TLN2: variants seen among roughly 807,000 people sequenced by gnomAD.
TLN2 encodes the protein talin 2.
In TLN2, 118 loss-of-function variants were observed where a neutral mutation model predicts 294.7. The observed-to-expected ratio is 0.40, with a 90% CI of 0.34 to 0.47. The LOEUF (loss-of-function observed/expected upper bound fraction) is 0.47. TLN2 is among the 20% of genes least tolerant of loss of function. The pLI is 0.84. For missense variants in TLN2, 3,083 were observed against 3,282.2 expected (o/e 0.94, Z 1.48); for synonymous variants, 1,431 against 1,304.5 (o/e 1.10, Z -2.09).
intron 10 of TLN2, 22 bp from the exon 11 acceptor site, chr15:62,675,195 C>T (rs2056028805): frequency 6.2e-7 from 1 of 1,612,690 alleles, no homozygotes; most frequent in Admixed American, 1.7e-5. Flanking sequence ...ATAACTGGTC[C>T]CGACCACTGT....
intron 1 of TLN2, among the ~76,000 whole-genome samples, chr15:62,412,096 TA>T (rs1161837342): frequency 6.7e-6 from 1 of 149,410 alleles, no homozygotes; most frequent in Non-Finnish European, 1.5e-5. Context: ...CCCTGCGATT[TA>T]AAATCGGTCT....
chr15:62,537,649 T>C (rs922611742), intron 1 of TLN2, among the ~76,000 whole-genome samples: 11 of 152,168 alleles, frequency 7.2e-5, no homozygotes, highest in African/African-American at 2.2e-4. Flanking sequence ...CCCACAGTCT[T>C]GATTGCTCAG....
At chr15:62,738,612 A>G (rs1567497655) in intron 30 of TLN2, among the ~76,000 whole-genome samples, 1 of 152,134 alleles carries the variant, frequency 6.6e-6, no homozygotes, top group Non-Finnish European at 1.5e-5. Flanking sequence ...CTGTCTTCTC[A>G]TCAGGACATC....
rs1483250033 is a variant in TLN2 at position 62,783,797 on chromosome 15, G to A, written c.5643G>A (p.Glu1881=). 2 of 1,608,488 alleles carry A rather than the reference G, an allele frequency of 1.2e-6. No homozygotes were observed. Among genetic ancestry groups the A allele is most frequent in the Middle Eastern group, 1.7e-4 (1 of 6,032 alleles). The part of the protein sequence containing the change: ...EMMTKSVTNP[E]ELGGLASQMT... ...TGACTAAGTCGGTTACTAACCCGGA[G>A]GAGTTGGGAGGACTGGCTTCACAAA... Residue 1881 remains glutamate, a synonymous_variant, in exon 45 of 59, where the codon GAG becomes GAA. Coordinates refer to ENST00000636159, the MANE Select transcript of TLN2 (RefSeq NM_015059.3).
intron 1 of TLN2, among the ~76,000 whole-genome samples, chr15:62,571,307 G>C (rs2043844395): frequency 6.6e-6 from 1 of 152,080 alleles, no homozygotes; most frequent in African/African-American, 2.4e-5. Flanking sequence ...ATGTCATCTG[G>C]GGGGACGGTG....
intron 54 of TLN2, among the ~76,000 whole-genome samples, 177 bp downstream of exon 54, chr15:62,820,787 G>T (rs2067497861): frequency 6.6e-6 from 1 of 152,108 alleles, no homozygotes; most frequent in African/African-American, 2.4e-5. Flanking sequence ...TAAAAAAATG[G>T]CTGATGAGTC....
chr15:62,684,471 C>T (rs549064540), intron 11 of TLN2, among the ~76,000 whole-genome samples: 142 of 152,312 alleles, frequency 9.3e-4, no homozygotes, highest in African/African-American at 3.2e-3. Flanking sequence ...TGAAAAAAAT[C>T]TGACGCTTGT....
chr15:62,691,070 G>C (rs1193678342), intron 12 of TLN2, among the ~76,000 whole-genome samples: 4 of 146,752 alleles, frequency 2.7e-5, no homozygotes, highest in Non-Finnish European at 6.0e-5. Flanking sequence ...GGAGGGGGAG[G>C]GGTATGGGCT....
intron 45 of TLN2, 25 bp downstream of exon 45, chr15:62,783,915 T>G: frequency 6.2e-7 from 1 of 1,612,936 alleles, no homozygotes; most frequent in Non-Finnish European, 8.5e-7. Flanking sequence ...GACCCCTATT[T>G]TAAGATGCAC....
chr15:62,653,507 C>T (rs2052838903), intron 7 of TLN2, among the ~76,000 whole-genome samples, 193 bp downstream of exon 7: 1 of 152,122 alleles, frequency 6.6e-6, no homozygotes, highest in Non-Finnish European at 1.5e-5. Flanking sequence ...AGGTGTATTA[C>T]CTGAGGTCAG....
rs116275837 is a variant in TLN2, at chr15:62,833,682, G to A, written c.7128+53G>A. 1.5e-3 allele frequency: 2,328 copies of A among 1,582,900 alleles called. 19 individuals carry two copies. The African/African-American group carries it at 0.02, about 14-fold the overall frequency. On this transcript the variant is annotated intron_variant, in intron 55 of 58. Coordinates refer to ENST00000636159, the MANE Select transcript of TLN2 (RefSeq NM_015059.3). ...GACACTCAACGTACGAGAGCCTCAGGGGGCCCAGGAAAAGAGCTACAAGCT... is the reference window on the plus strand; with the variant it reads ...GACACTCAACGTACGAGAGCCTCAGAGGGCCCAGGAAAAGAGCTACAAGCT...
intron 54 of TLN2, among the ~76,000 whole-genome samples, chr15:62,822,275 C>T (rs1346106551): frequency 1.3e-5 from 2 of 152,224 alleles, no homozygotes; most frequent in Non-Finnish European, 2.9e-5. Context: ...GCCTGACATA[C>T]AGTGAGACTT....
At chr15:62,650,588 C>T (rs1233490698) in intron 5 of TLN2, among the ~76,000 whole-genome samples, 1 of 152,104 alleles carries the variant, frequency 6.6e-6, no homozygotes, top group Non-Finnish European at 1.5e-5. Flanking sequence ...GAAAAAGAAA[C>T]TTCAATTTGA....
In TLN2 at chr15:62,692,930, A is replaced by G. The variant is rs773219965; in HGVS notation, c.1204A>G (p.Ile402Val). 5.5e-5 allele frequency: 88 copies of G among 1,612,046 alleles called. No individual in the cohort carries two copies. Among genetic ancestry groups the G allele is most frequent in the Non-Finnish European group, 6.9e-5 (81 of 1,179,312 alleles). The part of the protein sequence containing the change: ...SQLIAGYIDI[I>V]LKKKQSKDRF... ...GCTGATTGCAGGCTACATTGACATCATCCTGAAAAAGGTATTTTGTATTGA... is the reference window on the plus strand; with the variant it reads ...GCTGATTGCAGGCTACATTGACATCGTCCTGAAAAAGGTATTTTGTATTGA... Residue 402 changes from isoleucine to valine, a missense_variant, in exon 13 of 59, where the codon ATC becomes GTC. By Grantham distance (29) the Ile-to-Val change is conservative. Coordinates refer to ENST00000636159, the MANE Select transcript of TLN2 (RefSeq NM_015059.3).
intron 44 of TLN2, among the ~76,000 whole-genome samples, chr15:62,782,177 T>C (rs543990183): frequency 6.6e-6 from 1 of 152,326 alleles, no homozygotes; most frequent in South Asian, 2.1e-4. Context: ...TGTCATGTAA[T>C]CATGTGTCCA....
At chr15:62,719,994 G>T (rs2060026947) in intron 25 of TLN2, 114 bp downstream of exon 25, 11 of 785,962 alleles carry the variant, frequency 1.4e-5, no homozygotes, top group Non-Finnish European at 5.6e-6. Context: ...TTTGCGGTAG[G>T]CAGGGCTTGA....
intron 1 of TLN2, among the ~76,000 whole-genome samples, chr15:62,459,661 A>G (rs1322558727): frequency 6.6e-6 from 1 of 152,178 alleles, no homozygotes; most frequent in African/African-American, 2.4e-5. Flanking sequence ...GTGCAAAAGA[A>G]TATGCAAGCC....
In TLN2 at chr15:62,755,557, C is replaced by A; in HGVS notation, c.4502C>A (p.Ala1501Asp). 1 of 1,614,190 alleles carries A rather than the reference C, an allele frequency of 6.2e-7. No individual in the cohort carries two copies. The highest frequency in any genetic ancestry group is 8.5e-7 in the Non-Finnish European group (1 of 1,180,016). Residue 1501 changes from alanine to aspartate, a missense_variant, in exon 37 of 59, where the codon GCC becomes GAC. Physicochemically the swap from Ala to Asp is moderately radical, Grantham distance 126. Transcript: ENST00000636159. ...GTCCTGTCAGCCGCCACAATTGTTGCCAAGCACACGTCAGCCTTGTGCAAT... is the reference window on the plus strand; with the variant it reads ...GTCCTGTCAGCCGCCACAATTGTTGACAAGCACACGTCAGCCTTGTGCAAT... ...SQVLSAATIV[A>D]KHTSALCNAC...
chr15:62,829,893 T>G (rs2068616091), intron 54 of TLN2: 1 of 152,200 alleles, frequency 6.6e-6, no homozygotes, highest in African/African-American at 2.4e-5. Flanking sequence ...CATACAATGT[T>G]TGTCTTTCTG....
Sources: allele counts gnomAD v4.1 joint callset (sites outside exome capture counted in the v4.1 genomes callset), GRCh38; gene constraint gnomAD v4.1.1; transcripts MANE v1.5; gene names NCBI Gene and HGNC (gene_info 2026-07-23, HGNC 2026-07-21).